Variants in TRAF2 observed in about 807,000 individuals in gnomAD.
The protein encoded by TRAF2 is TNF receptor associated factor 2.
A neutral mutation model predicts 55.6 loss-of-function variants in TRAF2; 6 were observed. That is an observed-to-expected ratio of 0.11 (90% CI 0.06 to 0.21). The LOEUF is 0.21. Ranked by LOEUF, TRAF2 falls within the 10% of genes least tolerant of loss-of-function variation. The pLI is 1.00. For missense variants in TRAF2, 561 were observed against 684.5 expected (o/e 0.82, Z 2.01); for synonymous variants, 329 against 276.3 (o/e 1.19, Z -1.89).
chr9:136,892,821 A>T (rs1014664789), intron 1 of TRAF2, among the ~76,000 whole-genome samples: 1 of 152,012 alleles, frequency 6.6e-6, no homozygotes, highest in Non-Finnish European at 1.5e-5. Flanking sequence ...CGGAGGTTGC[A>T]CCTTAGATCA....
intron 1 of TRAF2, among the ~76,000 whole-genome samples, chr9:136,892,787 G>A (rs1849607500): frequency 6.6e-6 from 1 of 151,964 alleles, no homozygotes; most frequent in Non-Finnish European, 1.5e-5. Context: ...GGCTGAGGCA[G>A]GAGAATCGCT....
chr9:136,918,255 A>ATATATATATATATATATATTTATT (rs1402432355), intron 7 of TRAF2, among the ~76,000 whole-genome samples: 2 of 23,358 alleles, frequency 8.6e-5, no homozygotes, highest in African/African-American at 4.2e-4. Flanking sequence ...ATATATATAT[A>ATATATATATATATATATATTTATT]TATTTATTTA....
At chr9:136,906,513 C>T (rs1849956651) in intron 4 of TRAF2, among the ~76,000 whole-genome samples, 1 of 151,956 alleles carries the variant, frequency 6.6e-6, no homozygotes, top group African/African-American at 2.4e-5. Context: ...GAAAAACCCA[C>T]CCCATGATTC....
chr9:136,919,046 T>TTATTTATTTATTTATG (rs1850317226), intron 7 of TRAF2, among the ~76,000 whole-genome samples: 1 of 143,972 alleles, frequency 6.9e-6, no homozygotes, highest in African/African-American at 2.7e-5. Flanking sequence ...ATTTTAATAT[T>TTATTTATTTATTTATG]TATTTATTTA....
intron 6 of TRAF2, among the ~76,000 whole-genome samples, chr9:136,915,119 C>T (rs564917830): frequency 3.9e-5 from 6 of 152,134 alleles, no homozygotes; most frequent in East Asian, 1.9e-4. Flanking sequence ...GCAGAGGTTG[C>T]GGTGAGCTGA....
intron 4 of TRAF2, among the ~76,000 whole-genome samples, 171 bp from the exon 5 acceptor site, chr9:136,907,899 C>T (rs887314496): frequency 6.6e-6 from 1 of 152,116 alleles, no homozygotes; most frequent in Admixed American, 6.6e-5. Context: ...ATCTGATCTC[C>T]TCCTGCCCTC....
At chr9:136,905,856 G>T (rs1849936440) in intron 4 of TRAF2, among the ~76,000 whole-genome samples, 1 of 152,208 alleles carries the variant, frequency 6.6e-6, no homozygotes, top group Admixed American at 6.5e-5. Context: ...TGTAATCCCA[G>T]CACTTTGGGA....
intron 8 of TRAF2, 137 bp downstream of exon 8, chr9:136,920,652 G>T (rs951050482): frequency 3.2e-6 from 4 of 1,232,670 alleles, no homozygotes; most frequent in Admixed American, 5.7e-5. Context: ...CCCCAGTCCA[G>T]TGTGGTTTAG....
intron 4 of TRAF2, 182 bp downstream of exon 4, chr9:136,900,702 G>C: frequency 1.5e-6 from 1 of 676,820 alleles, no homozygotes; most frequent in Admixed American, 2.1e-5. Flanking sequence ...AACTCAAGTA[G>C]TGCAGAGCAC....
intron 6 of TRAF2, 168 bp downstream of exon 6, chr9:136,910,162 C>T: frequency 1.4e-6 from 1 of 716,652 alleles, no homozygotes; most frequent in Non-Finnish European, 2.4e-6. Context: ...GGCGGCCGCT[C>T]TCCTGAGTGG....
chr9:136,882,104 G>A, upstream of TRAF2: 1 of 945,024 alleles, frequency 1.1e-6, no homozygotes, highest in Non-Finnish European at 1.3e-6. Context: ...GGGGGGCCCA[G>A]CTTGGACATT....
At chr9:136,904,236 C>G (rs1849893393) in intron 4 of TRAF2, among the ~76,000 whole-genome samples, 1 of 152,084 alleles carries the variant, frequency 6.6e-6, no homozygotes, top group Non-Finnish European at 1.5e-5. Flanking sequence ...TAGAGTCTCG[C>G]TCTGTTGCCT....
At chr9:136,920,070 G>A (rs974240011) in intron 7 of TRAF2, among the ~76,000 whole-genome samples, 164 bp from the exon 8 acceptor site, 2 of 152,064 alleles carry the variant, frequency 1.3e-5, no homozygotes, top group African/African-American at 4.8e-5. Context: ...CTTTCAGTCT[G>A]TCATACACAA....
chr9:136,913,918 T>C (rs1241553656), intron 6 of TRAF2, among the ~76,000 whole-genome samples: 1 of 152,100 alleles, frequency 6.6e-6, no homozygotes, highest in African/African-American at 2.4e-5. Context: ...GAGCCGAGCA[T>C]GGGGCGGCGT....
At position 136,889,946 on chromosome 9, in the gene TRAF2, TGA is replaced by T. The variant is rs1454757826; in HGVS notation, c.-29+3409_-29+3410del. On this transcript the variant is annotated intron_variant, in intron 1 of 10. Coordinates refer to ENST00000247668, the MANE Select transcript of TRAF2 (RefSeq NM_021138.4). Reference sequence around the variant, plus strand: ...CTTGTTCAGCTCGTCACCGCGTGTGTGAGAGTCCCCACCGCACGCTCGTTCAG... The same window carrying T: ...CTTGTTCAGCTCGTCACCGCGTGTGTGAGTCCCCACCGCACGCTCGTTCAG... Among the ~76,000 whole-genome samples the T allele has an allele frequency of 8.8e-5, 13 of 147,486 alleles. No homozygotes were observed. In the South Asian group the frequency reaches 1.3e-3, roughly 15 times the overall value.
At chr9:136,899,726 C>T (rs1849771089) in intron 3 of TRAF2, 54 bp downstream of exon 3, 8 of 1,553,258 alleles carry the variant, frequency 5.2e-6, no homozygotes, top group Non-Finnish European at 8.8e-7. Context: ...TCTTAATTTC[C>T]TTTACAACAT....
chr9:136,914,633 C>T (rs1334162367), intron 6 of TRAF2, among the ~76,000 whole-genome samples: 1 of 152,200 alleles, frequency 6.6e-6, no homozygotes, highest in African/African-American at 2.4e-5. Context: ...ATGTTGCTGT[C>T]TCCTTTCTAC....
At chr9:136,920,161 G>A (rs1391324663) in intron 7 of TRAF2, 73 bp from the exon 8 acceptor site, 19 of 1,496,248 alleles carry the variant, frequency 1.3e-5, no homozygotes, top group Admixed American at 8.5e-5. Flanking sequence ...TGAGGCCCAC[G>A]TCTTGGTGGC....
intron 9 of TRAF2, among the ~76,000 whole-genome samples, chr9:136,922,773 CG>C (rs199668815): frequency 3.4e-5 from 1 of 29,060 alleles, no homozygotes; most frequent in Non-Finnish European, 6.1e-5. Context: ...AGGACTAGGA[CG>C]GGGGGAGGAT....
Sources: allele counts gnomAD v4.1 joint callset (sites outside exome capture counted in the v4.1 genomes callset), GRCh38; gene constraint gnomAD v4.1.1; transcripts MANE v1.5; gene names NCBI Gene and HGNC (gene_info 2026-07-23, HGNC 2026-07-21).